DTNB: variants seen among roughly 807,000 people sequenced by gnomAD.
DTNB encodes the protein DTN-B.
Under a neutral mutation model 90.7 loss-of-function variants are expected in DTNB, and 63 were observed. The observed-to-expected ratio is 0.69, with a 90% CI of 0.57 to 0.86. The LOEUF is 0.86. DTNB is among the 40% of genes least tolerant of loss of function. DTNB has a pLI of 0.00. For synonymous variants in DTNB, 277 were observed against 286.7 expected (o/e 0.97, Z 0.34); for missense variants, 744 against 807.1 (o/e 0.92, Z 0.95).
intron 10 of DTNB, among the ~76,000 whole-genome samples, chr2:25,475,673 T>C (rs2063602795): frequency 1.3e-5 from 2 of 152,216 alleles, no homozygotes; most frequent in South Asian, 4.1e-4. Context: ...AAGAAGTCAA[T>C]GCCTGGCTTT....
chr2:25,569,695 A>C (rs555831119), intron 8 of DTNB, among the ~76,000 whole-genome samples: 5 of 152,318 alleles, frequency 3.3e-5, no homozygotes, highest in Admixed American at 2.0e-4. Flanking sequence ...CACAATTAAA[A>C]CTACTTTCTC....
intron 16 of DTNB, among the ~76,000 whole-genome samples, chr2:25,396,383 T>C (rs528658438): frequency 1.1e-4 from 16 of 152,156 alleles, no homozygotes; most frequent in African/African-American, 3.6e-4. Flanking sequence ...TGGTGGTTCA[T>C]GTCTGTAATA....
intron 8 of DTNB, among the ~76,000 whole-genome samples, chr2:25,543,313 G>T (rs1165019231): frequency 4.8e-5 from 7 of 146,856 alleles, no homozygotes; most frequent in Admixed American, 6.8e-5. Flanking sequence ...TTTGTTTTTT[G>T]TTTTTTTTTT....
At chr2:25,391,046 G>A (rs1262930302) in intron 16 of DTNB, among the ~76,000 whole-genome samples, 2 of 151,842 alleles carry the variant, frequency 1.3e-5, no homozygotes, top group Admixed American at 6.6e-5. Flanking sequence ...ACAGGTGCCC[G>A]TCACCACTCC....
chr2:25,670,410 T>TAC (rs2085549366), intron 1 of DTNB, among the ~76,000 whole-genome samples: 1 of 151,880 alleles, frequency 6.6e-6, no homozygotes, highest in Non-Finnish European at 1.5e-5. Context: ...TCCCTATATA[T>TAC]ACATGAAAAT....
rs369653199 is a variant in DTNB, at chr2:25,524,401, C to CT, written c.1001+7071dup. Among the ~76,000 whole-genome samples the CT allele has an allele frequency of 8.0e-3, 911 of 114,590 alleles. 4 individuals are homozygous for CT. The highest frequency in any genetic ancestry group is 0.017 in the African/African-American group (522 of 30,866). The allele number at this position is 114,590 out of a possible 152,430, so 75.2% of individuals were successfully genotyped here. A position where few individuals can be genotyped will look rare whatever the true frequency, so the allele number is the denominator to read the frequency against. ...AAATCTGAAAGAGAATCTACCAGAG[C>CT]TTTTTTTTTTTTTTTTTTGGTGGGG... On this transcript the variant is annotated intron_variant, in intron 9 of 20. Coordinates refer to ENST00000406818, the MANE Select transcript of DTNB (RefSeq NM_021907.5).
At chr2:25,453,730 G>A (rs1347513786) in intron 11 of DTNB, among the ~76,000 whole-genome samples, 2 of 152,184 alleles carry the variant, frequency 1.3e-5, no homozygotes, top group Non-Finnish European at 2.9e-5. Flanking sequence ...AAGAGGCTGG[G>A]ACAGTGTGCA....
At chr2:25,663,187 T>C (rs1056923882) in intron 1 of DTNB, among the ~76,000 whole-genome samples, 1 of 152,086 alleles carries the variant, frequency 6.6e-6, no homozygotes, top group Non-Finnish European at 1.5e-5. Flanking sequence ...CCTGTGTTGG[T>C]CTGCTGAGAA....
intron 4 of DTNB, among the ~76,000 whole-genome samples, chr2:25,623,033 T>C (rs555857863): frequency 1.5e-4 from 23 of 151,974 alleles, no homozygotes; most frequent in South Asian, 1.5e-3. Flanking sequence ...TTAAAGAAAT[T>C]AAACCATATG....
intron 16 of DTNB, among the ~76,000 whole-genome samples, chr2:25,407,682 A>T (rs1413548051): frequency 6.6e-6 from 1 of 152,202 alleles, no homozygotes; most frequent in Non-Finnish European, 1.5e-5. Context: ...TAGAAAACCA[A>T]ATGCTGTGTG....
chr2:25,608,078 G>T (rs561569433), intron 4 of DTNB, among the ~76,000 whole-genome samples: 3 of 152,192 alleles, frequency 2.0e-5, no homozygotes, highest in Non-Finnish European at 4.4e-5. Flanking sequence ...TGGTTTCACA[G>T]CAGATAAAAA....
At chr2:25,458,239 A>G (rs930622522) in intron 10 of DTNB, among the ~76,000 whole-genome samples, 1 of 152,148 alleles carries the variant, frequency 6.6e-6, no homozygotes, top group African/African-American at 2.4e-5. Flanking sequence ...TTCTGATGTT[A>G]GTTCTGTTTA....
intron 8 of DTNB, among the ~76,000 whole-genome samples, chr2:25,546,637 A>G (rs1475460715): frequency 6.6e-6 from 1 of 152,246 alleles, no homozygotes; most frequent in Admixed American, 6.5e-5. Context: ...CCCCTGGAAC[A>G]CCACAGTGTT....
chr2:25,658,946 C>G (rs1006845721), intron 1 of DTNB, among the ~76,000 whole-genome samples: 7 of 151,950 alleles, frequency 4.6e-5, no homozygotes, highest in African/African-American at 1.7e-4. Flanking sequence ...GTATTTTGTA[C>G]AGACAGGGTC....
At chr2:25,633,963 C>A (rs1414706036) in intron 3 of DTNB, among the ~76,000 whole-genome samples, 1 of 151,378 alleles carries the variant, frequency 6.6e-6, no homozygotes, top group Non-Finnish European at 1.5e-5. Context: ...AAGTGAGGAG[C>A]CCCTCCACCC....
chr2:25,660,657 A>G (rs779522505), intron 1 of DTNB, among the ~76,000 whole-genome samples: 2 of 152,192 alleles, frequency 1.3e-5, no homozygotes, highest in Non-Finnish European at 2.9e-5. Context: ...TTTTCACTAA[A>G]TATTATATTG....
chr2:25,479,847 G>A (rs1216258412), intron 10 of DTNB, among the ~76,000 whole-genome samples: 1 of 152,132 alleles, frequency 6.6e-6, no homozygotes, highest in Non-Finnish European at 1.5e-5. Context: ...GACGTCTTAG[G>A]ATGAGTTCTA....
chr2:25,405,563 T>G (rs2044896011), intron 16 of DTNB, among the ~76,000 whole-genome samples: 1 of 152,034 alleles, frequency 6.6e-6, no homozygotes, highest in African/African-American at 2.4e-5. Flanking sequence ...AAATAAAATG[T>G]TCTATTTTTT....
intron 9 of DTNB, among the ~76,000 whole-genome samples, chr2:25,501,677 A>G (rs866201977): frequency 9.9e-5 from 15 of 152,146 alleles, no homozygotes; most frequent in Admixed American, 3.3e-4. Flanking sequence ...CCAGCAATCC[A>G]AAAGTTTTAA....
Sources: allele counts gnomAD v4.1 joint callset (sites outside exome capture counted in the v4.1 genomes callset), GRCh38; gene constraint gnomAD v4.1.1; transcripts MANE v1.5; gene names NCBI Gene and HGNC (gene_info 2026-07-23, HGNC 2026-07-21).